PNKD: variants seen among roughly 807,000 people sequenced by gnomAD.
PNKD encodes the protein PNKD metallo-beta-lactamase domain containing, also known as probable thioesterase PNKD.
PNKD carries 36 observed loss-of-function variants against 45.3 expected under a neutral mutation model. The ratio of observed to expected loss-of-function variants is 0.80; its 90% CI spans 0.61 to 1.05. The LOEUF (loss-of-function observed/expected upper bound fraction) is 1.05, where lower values mean the gene tolerates loss of function less well. Ranked by LOEUF, PNKD falls within the 50% of genes least tolerant of loss-of-function variation. The pLI is 0.00. For missense variants in PNKD, 511 were observed against 506.6 expected, an observed-to-expected ratio of 1.01 and a Z score of -0.08; for synonymous variants, 197 against 210.1, an observed-to-expected ratio of 0.94 and a Z score of 0.54.
At chr2:218,299,441 C>T (rs926915170) in intron 2 of PNKD, among the ~76,000 whole-genome samples, 2 of 150,604 alleles carry the variant, frequency 1.3e-5, no homozygotes, top group African/African-American at 4.9e-5. Flanking sequence ...CGCACCCGAC[C>T]TATTTGTTTA....
chr2:218,282,039 C>T, intron 2 of PNKD: 1 of 1,607,030 alleles, frequency 6.2e-7, no homozygotes, highest in East Asian at 2.2e-5. Context: ...GCAGGATACC[C>T]TCCTGGCAGG....
intron 2 of PNKD, among the ~76,000 whole-genome samples, 171 bp downstream of exon 2, chr2:218,271,720 A>G (rs916598695): frequency 6.6e-6 from 1 of 152,210 alleles, no homozygotes; most frequent in Non-Finnish European, 1.5e-5. Flanking sequence ...GTGGGAAAGT[A>G]TGTGGAATTG....
intron 7 of PNKD, 78 bp downstream of exon 7, chr2:218,342,222 G>A (rs1694701333): frequency 8.3e-7 from 1 of 1,201,608 alleles, no homozygotes. Context: ...CCCATGGAGA[G>A]CACTGAAGCC....
chr2:218,287,925 T>C lies in PNKD; in HGVS notation c.236+16376T>C, dbSNP rs553111929. Among the ~76,000 whole-genome samples, 10 of 152,278 alleles carry C rather than the reference T, an allele frequency of 6.6e-5. No homozygotes were observed. The East Asian group carries it at 1.9e-3, about 29-fold the overall frequency. ...CTGGAGCAGAATCCTGTGATCAGAA[T>C]GGTAATCTCGGGTTACCCCACCCAA... On this transcript the variant is annotated intron_variant, in intron 2 of 9. Coordinates refer to ENST00000273077, the MANE Select transcript of PNKD (RefSeq NM_015488.5).
chr2:218,320,084 T>C (rs1404038588), intron 2 of PNKD, among the ~76,000 whole-genome samples: 1 of 152,226 alleles, frequency 6.6e-6, no homozygotes, highest in African/African-American at 2.4e-5. Context: ...GGCTGGGCCC[T>C]ATTGAGCAGG....
intron 2 of PNKD, among the ~76,000 whole-genome samples, chr2:218,273,947 G>A (rs1298632474): frequency 6.6e-6 from 1 of 152,184 alleles, no homozygotes; most frequent in Non-Finnish European, 1.5e-5. Context: ...GGTCCATGGT[G>A]CAGAAAAGGT....
In PNKD at chr2:218,296,972, C is replaced by T. The variant is rs578010710; in HGVS notation, c.236+25423C>T. On this transcript the variant is annotated intron_variant, in intron 2 of 9. Coordinates refer to ENST00000273077, the MANE Select transcript of PNKD (RefSeq NM_015488.5). ...GGATTACAGGCAAGAGCTACCGCGC[C>T]GCCCGAAGTTGCTTGTTTTCAGAGG... is the stretch of plus-strand genomic sequence containing the variant. Among the ~76,000 whole-genome samples, 23 of 152,350 alleles carry T rather than the reference C, an allele frequency of 1.5e-4. No homozygotes were observed. In the South Asian group the frequency reaches 4.3e-3, roughly 29 times the overall value.
intron 2 of PNKD, among the ~76,000 whole-genome samples, chr2:218,324,022 G>A (rs1287721438): frequency 1.3e-5 from 2 of 152,142 alleles, no homozygotes; most frequent in African/African-American, 4.8e-5. Context: ...CCGTGTGGAA[G>A]CCCCAGGCTG....
intron 2 of PNKD, among the ~76,000 whole-genome samples, chr2:218,310,316 G>C (rs867913152): frequency 6.7e-6 from 1 of 148,880 alleles, no homozygotes; most frequent in Non-Finnish European, 1.5e-5. Flanking sequence ...TCCGCCTCCC[G>C]GATTCAAGCA....
chr2:218,278,387 G>A (rs760088587), intron 2 of PNKD: 63 of 982,732 alleles, frequency 6.4e-5, no homozygotes, highest in Middle Eastern at 2.1e-4. Context: ...AGCTGTCATC[G>A]TCATCCTCCT....
chr2:218,316,491 G>T lies in PNKD; in HGVS notation c.237-23292G>T, dbSNP rs916593356. On this transcript the variant is annotated intron_variant, in intron 2 of 9. Coordinates refer to ENST00000273077, the MANE Select transcript of PNKD (RefSeq NM_015488.5). Reference sequence around the variant, plus strand: ...TCACCTTGTTGCCCAGGCTGGTTTCGAACTCCTGAGCTCAGGCAATCCGCC... The same window carrying T: ...TCACCTTGTTGCCCAGGCTGGTTTCTAACTCCTGAGCTCAGGCAATCCGCC... 3.3e-5 allele frequency among the ~76,000 whole-genome samples: 5 copies of T among 152,040 alleles called. No homozygotes were observed. In the South Asian group the frequency reaches 1.0e-3, roughly 31 times the overall value.
chr2:218,340,901 G>A lies in PNKD; in HGVS notation c.524+115G>A, dbSNP rs193080968. The A allele has an allele frequency of 7.0e-5, 59 of 844,282 alleles. No individual in the cohort carries two copies. In the Middle Eastern group the frequency reaches 2.5e-3, roughly 35 times the overall value. 52.3% of individuals were successfully genotyped at this position (844,282 alleles called of 1,614,324 possible). On this transcript the variant is annotated intron_variant, in intron 5 of 9. Transcript: ENST00000273077. The surrounding 1 kb of genome is among the most constrained non-coding windows in gnomAD (Gnocchi z 4.2). Reference sequence around the variant, plus strand: ...AAGAAGTCAGTACGGGCCGGCACCCGCCTTCCTCGTGAAGTCACCTGGACA... The same window carrying A: ...AAGAAGTCAGTACGGGCCGGCACCCACCTTCCTCGTGAAGTCACCTGGACA...
At chr2:218,278,366 A>C in intron 2 of PNKD, 9 of 802,278 alleles carry the variant, frequency 1.1e-5, no homozygotes, top group Non-Finnish European at 1.9e-5. Flanking sequence ...CTTTGTATAC[A>C]CCTGAACAGT....
intron 2 of PNKD, chr2:218,276,156 G>T: frequency 6.6e-7 from 1 of 1,512,448 alleles, no homozygotes; most frequent in Non-Finnish European, 9.1e-7. Context: ...CTTCCCCCGG[G>T]ATAGTGGCAT....
intron 2 of PNKD, among the ~76,000 whole-genome samples, chr2:218,337,753 C>T (rs762892553): frequency 3.9e-5 from 6 of 152,200 alleles, no homozygotes; most frequent in Admixed American, 6.5e-5. Flanking sequence ...GTATGATAAG[C>T]GAGGAACGGA....
intron 2 of PNKD, among the ~76,000 whole-genome samples, chr2:218,309,727 T>C (rs1693544045): frequency 6.6e-6 from 1 of 150,694 alleles, no homozygotes; most frequent in Non-Finnish European, 1.5e-5. Context: ...ACGTCAGGAG[T>C]TTGAGATCAG....
At chr2:218,291,420 C>T (rs1263167175) in intron 2 of PNKD, among the ~76,000 whole-genome samples, 1 of 152,210 alleles carries the variant, frequency 6.6e-6, no homozygotes, top group African/African-American at 2.4e-5. Flanking sequence ...AAGTCGCCAG[C>T]TTGGAAACCA....
At chr2:218,335,437 C>T (rs1017799565) in intron 2 of PNKD, among the ~76,000 whole-genome samples, 2 of 151,588 alleles carry the variant, frequency 1.3e-5, no homozygotes, top group Non-Finnish European at 2.9e-5. Context: ...GCCAAGATCA[C>T]GCCATTGCAC....
chr2:218,315,182 A>T (rs2382824), intron 2 of PNKD, among the ~76,000 whole-genome samples: 1 of 147,080 alleles, frequency 6.8e-6, no homozygotes, highest in African/African-American at 2.6e-5. Flanking sequence ...TTGCTGTGTC[A>T]CCAGGCTGGA....
Sources: allele counts gnomAD v4.1 joint callset (sites outside exome capture counted in the v4.1 genomes callset), GRCh38; gene constraint gnomAD v4.1.1; non-coding constraint Gnocchi (gnomAD v3.1); transcripts MANE v1.5; gene names NCBI Gene and HGNC (gene_info 2026-07-23, HGNC 2026-07-21).